C6: variants seen among roughly 807,000 people sequenced by gnomAD.
C6 encodes complement component C6.
Under a neutral mutation model 112.9 loss-of-function variants are expected in C6, and 101 were observed. That is an observed-to-expected ratio of 0.89 (90% CI 0.76 to 1.06). The LOEUF (loss-of-function observed/expected upper bound fraction) is 1.06. Among genes scored for constraint, C6 ranks in the 50% least tolerant of loss-of-function variants. The pLI, the probability that C6 is intolerant of heterozygous loss-of-function variation, is 0.00. For synonymous variants in C6, 431 were observed against 384.1 expected, an observed-to-expected ratio of 1.12 and a Z score of -1.43; for missense variants, 1,202 against 1,104.6, an observed-to-expected ratio of 1.09 and a Z score of -1.25.
chr5:41,221,042 A>AC lies in C6; in HGVS notation c.-20-17793_-20-17792insG, dbSNP rs72208026. 5.1e-4 allele frequency among the ~76,000 whole-genome samples: 78 copies of AC among 151,776 alleles called. No homozygotes were observed. In the East Asian group the frequency reaches 0.014, roughly 27 times the overall value. On this transcript the variant is annotated intron_variant, in intron 1 of 17. Transcript: ENST00000263413. ...AATATATTTATGTAGCTAAAAAAAA[A>AC]AATAGAAACACAAGACTTAAAGCAG...
chr5:41,242,567 C>T (rs1232219186), intron 1 of C6, among the ~76,000 whole-genome samples: 3 of 152,122 alleles, frequency 2.0e-5, no homozygotes, highest in African/African-American at 7.2e-5. Context: ...GTTTTGATTT[C>T]TCTGTAGTTA....
chr5:41,253,564 G>A (rs561287501), intron 1 of C6, among the ~76,000 whole-genome samples: 2 of 152,248 alleles, frequency 1.3e-5, no homozygotes, highest in African/African-American at 4.8e-5. Flanking sequence ...TAGGGCAATT[G>A]TAGGACCCAC....
intron 1 of C6, among the ~76,000 whole-genome samples, chr5:41,209,821 C>A (rs573004225): frequency 6.6e-6 from 1 of 152,304 alleles, no homozygotes; most frequent in Admixed American, 6.5e-5. Flanking sequence ...AATGCCATCC[C>A]CATCAAGCTA....
In C6 at chr5:41,199,778, G is replaced by A. The variant is rs1303761494; in HGVS notation, c.435C>T (p.Arg145=). Residue 145 remains arginine (R), a synonymous_variant, in exon 4 of 18, where the codon CGC becomes CGT. Coordinates refer to ENST00000337836, the MANE Select transcript of C6 (RefSeq NM_000065.5). Reference sequence around the variant, plus strand: ...ACAAAAATACATTACCACTGTCACAGCGAAATTTATTCTTGCAGTCAGCCT... The same window carrying A: ...ACAAAAATACATTACCACTGTCACAACGAAATTTATTCTTGCAGTCAGCCT... ...IEEADCKNKF[R]CDSGRCIARK... 2.5e-6 allele frequency: 4 copies of A among 1,613,526 alleles called. No homozygotes were observed. In the Admixed American group the frequency reaches 6.7e-5, roughly 27 times the overall value.
chr5:41,231,499 C>T (rs1739896513), intron 1 of C6, among the ~76,000 whole-genome samples: 1 of 152,090 alleles, frequency 6.6e-6, no homozygotes, highest in African/African-American at 2.4e-5. Flanking sequence ...AAAAACTACA[C>T]TTTTGCTTCT....
At chr5:41,258,214 A>G (rs1261236298) in intron 1 of C6, among the ~76,000 whole-genome samples, 1 of 152,206 alleles carries the variant, frequency 6.6e-6, no homozygotes, top group African/African-American at 2.4e-5. Flanking sequence ...AACACATTTG[A>G]AAGTCATTAT....
In C6 at chr5:41,142,630, A is replaced by T; in HGVS notation, c.*195T>A. 1 of 611,122 alleles carries T rather than the reference A, an allele frequency of 1.6e-6. No homozygotes were observed. Among genetic ancestry groups the T allele is most frequent in the African/African-American group, 1.8e-5 (1 of 54,602 alleles). 37.9% of individuals were successfully genotyped at this position (611,122 alleles called of 1,614,324 possible). On this transcript the variant is annotated 3_prime_UTR_variant, in exon 18 of 18. Coordinates refer to ENST00000337836, the MANE Select transcript of C6 (RefSeq NM_000065.5). Reference sequence around the variant, plus strand: ...ACCTAGGGGTATGCTACAGGGCGTCATGAGCTGGAACTGAATAAGACATGC... The same window carrying T: ...ACCTAGGGGTATGCTACAGGGCGTCTTGAGCTGGAACTGAATAAGACATGC...
intron 13 of C6, 144 bp downstream of exon 13, chr5:41,158,530 A>T (rs1747139441): frequency 1.5e-6 from 1 of 677,126 alleles, no homozygotes; most frequent in African/African-American, 1.8e-5. Flanking sequence ...GAAGAGTGGC[A>T]AAGTGTTTCT....
rs117081808 is a variant in C6, at chr5:41,160,714, G to A, written c.1459-347C>T. On this transcript the variant is annotated intron_variant, in intron 10 of 17. Coordinates refer to ENST00000337836, the MANE Select transcript of C6 (RefSeq NM_000065.5). ...TTAGGCAACTCTTTCCTGCTCTACT[G>A]AAACCTCATTAAATTTGATTCAAGC... Among the ~76,000 whole-genome samples the A allele has an allele frequency of 5.9e-3, 893 of 152,254 alleles. 8 individuals are homozygous for A. Among genetic ancestry groups the A allele is most frequent in the East Asian group, 0.038 (196 of 5,172 alleles).
chr5:41,198,821 A>T (rs1290439147), intron 4 of C6, among the ~76,000 whole-genome samples: 3 of 152,158 alleles, frequency 2.0e-5, no homozygotes, highest in African/African-American at 7.2e-5. Context: ...AGCTTCAAAT[A>T]GTTATACTTC....
upstream of C6, among the ~76,000 whole-genome samples, chr5:41,216,557 CAT>C (rs1752202077): frequency 6.6e-6 from 1 of 152,116 alleles, no homozygotes; most frequent in Non-Finnish European, 1.5e-5. Context: ...ATAGAAACAT[CAT>C]ATCACAGAGA....
chr5:41,242,308 T>C (rs1273888754), intron 1 of C6, among the ~76,000 whole-genome samples: 1 of 152,114 alleles, frequency 6.6e-6, no homozygotes, highest in Non-Finnish European at 1.5e-5. Flanking sequence ...CTTATAAGCG[T>C]CTGGCATTTT....
At chr5:41,157,440 G>T (rs1747024521) in intron 13 of C6, among the ~76,000 whole-genome samples, 1 of 152,318 alleles carries the variant, frequency 6.6e-6, no homozygotes, top group African/African-American at 2.4e-5. Flanking sequence ...AAGTGGCCTG[G>T]ATAGTCATCT....
At chr5:41,154,920 G>A in intron 14 of C6, 52 bp downstream of exon 14, 1 of 1,575,718 alleles carries the variant, frequency 6.3e-7, no homozygotes, top group Non-Finnish European at 8.7e-7. Context: ...TTTTATATTG[G>A]GCACATTCAT....
intron 15 of C6, among the ~76,000 whole-genome samples, chr5:41,151,774 T>C (rs898393109): frequency 6.6e-6 from 1 of 150,456 alleles, no homozygotes; most frequent in Non-Finnish European, 1.5e-5. Context: ...ATGTCGGAGC[T>C]AAACAAGAAT....
chr5:41,147,862 G>A (rs1745984148), intron 17 of C6, among the ~76,000 whole-genome samples: 1 of 152,154 alleles, frequency 6.6e-6, no homozygotes, highest in Non-Finnish European at 1.5e-5. Flanking sequence ...ATTCACAACT[G>A]TAATGTCTAT....
At chr5:41,199,952 G>T in intron 3 of C6, 40 bp from the exon 4 acceptor site, 3 of 1,608,790 alleles carry the variant, frequency 1.9e-6, no homozygotes, top group Non-Finnish European at 2.6e-6. Context: ...CTGAGGCAGG[G>T]TCAAGGTCAA....
At chr5:41,254,083 G>A (rs574655798) in intron 1 of C6, among the ~76,000 whole-genome samples, 9 of 152,160 alleles carry the variant, frequency 5.9e-5, no homozygotes, top group African/African-American at 2.2e-4. Flanking sequence ...AATATATATA[G>A]GAAAAAATTA....
chr5:41,199,728 A>G (rs769127392), intron 4 of C6, 40 bp downstream of exon 4: 10 of 1,603,216 alleles, frequency 6.2e-6, no homozygotes, highest in African/African-American at 5.4e-5. Flanking sequence ...TAGTCAAGCT[A>G]TTTTTAGTGG....
Sources: allele counts gnomAD v4.1 joint callset (sites outside exome capture counted in the v4.1 genomes callset), GRCh38; gene constraint gnomAD v4.1.1; transcripts MANE v1.5; gene names NCBI Gene and HGNC (gene_info 2026-07-23, HGNC 2026-07-21).